HOMER2: variants seen among roughly 807,000 people sequenced by gnomAD.
HOMER2 encodes the protein homer scaffold protein 2, also known as homer protein homolog 2.
In HOMER2, 27 loss-of-function variants were observed where a neutral mutation model predicts 47.0. The ratio of observed to expected loss-of-function variants is 0.57; its 90% confidence interval spans 0.42 to 0.79. The LOEUF (loss-of-function observed/expected upper bound fraction) is 0.79, where lower values mean the gene tolerates loss of function less well. Ranked by LOEUF, HOMER2 falls within the 30% of genes least tolerant of loss-of-function variation. The probability of loss-of-function intolerance (pLI) is 0.00; values close to 1 mark genes in which losing one functional copy is unlikely to be tolerated. For missense variants in HOMER2, 443 were observed against 435.0 expected (o/e 1.02, Z -0.16); for synonymous variants, 161 against 163.8 (o/e 0.98, Z 0.13).
At chr15:82,851,051 G>T in intron 8 of HOMER2, 100 bp downstream of exon 8, 1 of 806,548 alleles carries the variant, frequency 1.2e-6, no homozygotes, top group South Asian at 1.6e-5. Flanking sequence ...CTCTCCTTCA[G>T]CATTCTCAGT....
intron 2 of HOMER2, among the ~76,000 whole-genome samples, chr15:82,890,091 T>C (rs1567034805): frequency 6.6e-6 from 1 of 152,154 alleles, no homozygotes; most frequent in East Asian, 1.9e-4. Flanking sequence ...ACACCTGTAA[T>C]CCTAGCACTT....
chr15:82,852,478 T>C lies in HOMER2; in HGVS notation c.652-226A>G, dbSNP rs890691852. The C allele has an allele frequency of 1.3e-5, 6 of 457,450 alleles. No individual in the cohort carries two copies. In the Admixed American group the frequency reaches 2.4e-4, roughly 19 times the overall value. The allele number at this position is 457,450 out of a possible 1,614,324, so 28.3% of individuals were successfully genotyped here. A position where few individuals can be genotyped will look rare whatever the true frequency, so the allele number is the denominator to read the frequency against. On this transcript the variant is annotated intron_variant, in intron 6 of 8. Coordinates refer to ENST00000450735, the MANE Select transcript of HOMER2 (RefSeq NM_004839.4). Reference sequence around the variant, plus strand: ...TGCACATGATGCCTTACCAGAGGCATCTTACCAGCAGAGCCAAATAAGTAA... The same window carrying C: ...TGCACATGATGCCTTACCAGAGGCACCTTACCAGCAGAGCCAAATAAGTAA...
At chr15:82,983,395 C>T (rs2030463306) in intron 1 of HOMER2, among the ~76,000 whole-genome samples, 1 of 152,150 alleles carries the variant, frequency 6.6e-6, no homozygotes, top group Non-Finnish European at 1.5e-5. Context: ...CCTCTCTTTC[C>T]TGAGATTTAG....
exon 2 of HOMER2, chr15:82,840,555 G>GTGGA (rs1337154889): frequency 3.9e-5 from 6 of 152,240 alleles, no homozygotes; most frequent in African/African-American, 1.4e-4. Context: ...CAGGGCTCAA[G>GTGGA]TGATCCTACT....
chr15:82,983,596 CT>C lies in HOMER2; in HGVS notation n.82+2190del, dbSNP rs879803049. ...CTTTCCTGATTTCTTTCTTTTCTTT[CT>C]TTTTTTTTTTAGATGGAGTCTCACT... On this transcript the variant is annotated intron_variant and non_coding_transcript_variant, in intron 1 of 1. Transcript: ENST00000500334. Among the ~76,000 whole-genome samples, 148 of 145,522 alleles carry C rather than the reference CT, an allele frequency of 1.0e-3. 1 individual carries two copies. Among genetic ancestry groups the C allele is most frequent in the East Asian group, 4.7e-3 (24 of 5,074 alleles).
downstream of HOMER2, chr15:82,835,361 T>TGGGAG (rs2051114669): frequency 6.6e-6 from 1 of 152,562 alleles, no homozygotes; most frequent in Admixed American, 6.5e-5. Flanking sequence ...CTTGACCTCG[T>TGGGAG]GATCCTCCCA....
intron 2 of HOMER2, among the ~76,000 whole-genome samples, chr15:82,880,327 C>T (rs1444850964): frequency 6.6e-6 from 1 of 152,066 alleles, no homozygotes; most frequent in African/African-American, 2.4e-5. Flanking sequence ...TCTGGTTTAG[C>T]GATATATACA....
chr15:82,956,949 C>T (rs912500121), upstream of HOMER2, among the ~76,000 whole-genome samples: 1 of 152,152 alleles, frequency 6.6e-6, no homozygotes, highest in Non-Finnish European at 1.5e-5. Flanking sequence ...GCGCTCTAAT[C>T]TACGAAGTGG....
chr15:82,847,160 A>G (rs908011417), downstream of HOMER2: 2 of 152,246 alleles, frequency 1.3e-5, no homozygotes, highest in African/African-American at 4.8e-5. Context: ...GGTTATGACA[A>G]CAGTACTGAG....
downstream of HOMER2, chr15:82,835,986 C>T (rs1304083908): frequency 1.3e-5 from 2 of 152,188 alleles, no homozygotes; most frequent in African/African-American, 2.4e-5. Flanking sequence ...GAGATACCAG[C>T]GAGCTTAATC....
intron 3 of HOMER2, among the ~76,000 whole-genome samples, chr15:82,868,394 GAGA>G (rs908756021): frequency 1.1e-4 from 17 of 151,250 alleles, no homozygotes; most frequent in African/African-American, 3.9e-4. Flanking sequence ...TGGACATATA[GAGA>G]AGAACAACAC....
chr15:82,897,191 A>C (rs2052960290), intron 1 of HOMER2, among the ~76,000 whole-genome samples: 2 of 148,530 alleles, frequency 1.3e-5, no homozygotes, highest in African/African-American at 5.0e-5. Context: ...TCAGCCTCCC[A>C]AGTAGCTGGG....
intron 5 of HOMER2, among the ~76,000 whole-genome samples, chr15:82,856,060 T>C (rs2051575541): frequency 6.6e-6 from 1 of 152,216 alleles, no homozygotes; most frequent in Admixed American, 6.5e-5. Flanking sequence ...TGTTATCTTT[T>C]ATCCCACAAC....
intron 3 of HOMER2, among the ~76,000 whole-genome samples, chr15:82,865,354 C>T (rs1326083610): frequency 2.0e-5 from 3 of 152,170 alleles, no homozygotes; most frequent in Admixed American, 6.5e-5. Flanking sequence ...TCCTTTGTGG[C>T]AGGGTCCACA....
chr15:82,867,645 G>A (rs1160030410), intron 3 of HOMER2, among the ~76,000 whole-genome samples: 2 of 152,196 alleles, frequency 1.3e-5, no homozygotes, highest in Non-Finnish European at 2.9e-5. Context: ...AAGACAATTA[G>A]ATTCCCTGTG....
upstream of HOMER2, among the ~76,000 whole-genome samples, chr15:82,954,177 G>A (rs369036551): frequency 1.4e-3 from 220 of 152,300 alleles, 6 homozygotes; most frequent in South Asian, 0.044. Context: ...TCAGGAAAGT[G>A]AGCTTGTAGA....
At chr15:82,955,383 A>T (rs2054578401), upstream of HOMER2, among the ~76,000 whole-genome samples, 1 of 151,160 alleles carries the variant, frequency 6.6e-6, no homozygotes, top group Non-Finnish European at 1.5e-5. Context: ...GTTAGCTAGG[A>T]TGGTCTCGAT....
chr15:82,858,651 A>G (rs2051667652), intron 5 of HOMER2, among the ~76,000 whole-genome samples: 1 of 152,136 alleles, frequency 6.6e-6, no homozygotes, highest in African/African-American at 2.4e-5. Context: ...AAAACAAAAC[A>G]AAGCACAAGC....
chr15:82,949,848 C>T (rs1283389752), intron 1 of HOMER2, among the ~76,000 whole-genome samples: 3 of 152,188 alleles, frequency 2.0e-5, no homozygotes, highest in Non-Finnish European at 4.4e-5. Flanking sequence ...GTGCTGGTGG[C>T]TGCCACGCAG....
Sources: gnomAD v4.1 joint callset for allele counts (sites outside exome capture counted in the v4.1 genomes callset) on GRCh38, gnomAD v4.1.1 for gene constraint, MANE v1.5 for transcripts, NCBI Gene and HGNC (gene_info 2026-07-23, HGNC 2026-07-21) for gene names.